NRG3: variants seen among roughly 807,000 people sequenced by gnomAD.
The protein encoded by NRG3 is pro-neuregulin-3, membrane-bound isoform.
In NRG3, 31 loss-of-function variants were observed where a neutral mutation model predicts 66.9. The observed-to-expected ratio is 0.46, with a 90% CI of 0.35 to 0.63. NRG3 has a LOEUF of 0.63. Among genes scored for constraint, NRG3 ranks in the 20% least tolerant of loss-of-function variants. The probability of loss-of-function intolerance (pLI) is 0.00; values close to 1 mark genes in which losing one functional copy is unlikely to be tolerated. For synonymous variants in NRG3, 393 were observed against 359.4 expected (o/e 1.09, Z -1.06); for missense variants, 910 against 878.9 (o/e 1.04, Z -0.45).
intron 2 of NRG3, among the ~76,000 whole-genome samples, chr10:82,557,374 T>C (rs1379702595): frequency 1.3e-5 from 2 of 152,228 alleles, no homozygotes; most frequent in Non-Finnish European, 2.9e-5. Flanking sequence ...GATTTGCATA[T>C]CTGTAATGAT....
intron 3 of NRG3, among the ~76,000 whole-genome samples, chr10:82,795,423 A>T (rs953817929): frequency 1.3e-5 from 2 of 152,130 alleles, no homozygotes; most frequent in Non-Finnish European, 2.9e-5. Flanking sequence ...ATTCCTTACT[A>T]TTATATTCTT....
intron 1 of NRG3, among the ~76,000 whole-genome samples, chr10:82,311,222 T>C (rs964128520): frequency 3.3e-5 from 5 of 152,242 alleles, no homozygotes; most frequent in African/African-American, 1.2e-4. Flanking sequence ...TGCGGTCATC[T>C]AGCATCATTC....
chr10:82,410,897 A>G (rs1413798862), intron 2 of NRG3, among the ~76,000 whole-genome samples: 1 of 152,186 alleles, frequency 6.6e-6, no homozygotes, highest in Non-Finnish European at 1.5e-5. Flanking sequence ...ATGTTGTATC[A>G]TAAAATTCAC....
chr10:82,768,849 T>A (rs1482525146), intron 3 of NRG3, among the ~76,000 whole-genome samples: 1 of 152,148 alleles, frequency 6.6e-6, no homozygotes, highest in East Asian at 1.9e-4. Flanking sequence ...TTTTTGTGTG[T>A]GTACCTACAT....
chr10:82,684,618 C>T (rs2054366859), intron 2 of NRG3, among the ~76,000 whole-genome samples: 1 of 151,924 alleles, frequency 6.6e-6, no homozygotes, highest in Admixed American at 6.6e-5. Context: ...TTATGTATGA[C>T]AATCTCTAAA....
At chr10:82,521,747 C>T (rs1846211399) in intron 2 of NRG3, among the ~76,000 whole-genome samples, 1 of 152,170 alleles carries the variant, frequency 6.6e-6, no homozygotes, top group Non-Finnish European at 1.5e-5. Flanking sequence ...ACCATTTTTA[C>T]CCACAATAGA....
In NRG3 at chr10:82,319,771, G is replaced by C. The variant is rs189922004; in HGVS notation, c.824-38968G>C. Among the ~76,000 whole-genome samples, 18 of 152,298 alleles carry C rather than the reference G, an allele frequency of 1.2e-4. No individual in the cohort carries two copies. In the East Asian group the frequency reaches 3.1e-3, roughly 26 times the overall value. ...GCTGAGCCTGCAGCTGCCCAGAGTG[G>C]GAGGAGCTGATGGAGTCCTGTGTGG... is the stretch of plus-strand genomic sequence containing the variant. On this transcript the variant is annotated intron_variant, in intron 1 of 8. Transcript: ENST00000372141.
At chr10:82,072,966 G>A (rs1324381774) in intron 1 of NRG3, among the ~76,000 whole-genome samples, 1 of 151,892 alleles carries the variant, frequency 6.6e-6, no homozygotes, top group East Asian at 1.9e-4. Context: ...GTAGGGATAG[G>A]ATCTCACTAT....
At chr10:82,908,539 GTAATTAC>G (rs1223815257) in intron 4 of NRG3, among the ~76,000 whole-genome samples, 21 of 152,238 alleles carry the variant, frequency 1.4e-4, no homozygotes, top group African/African-American at 4.8e-4. Flanking sequence ...TTCATTAGTG[GTAATTAC>G]TACTCAACCC....
At chr10:82,472,813 AT>A (rs1841398543) in intron 2 of NRG3, among the ~76,000 whole-genome samples, 1 of 152,158 alleles carries the variant, frequency 6.6e-6, no homozygotes, top group Non-Finnish European at 1.5e-5. Flanking sequence ...TTGTTTTATT[AT>A]TTTGTTTTGA....
At chr10:82,865,736 A>T (rs549624625) in intron 4 of NRG3, among the ~76,000 whole-genome samples, 2 of 152,240 alleles carry the variant, frequency 1.3e-5, no homozygotes, top group East Asian at 3.9e-4. Context: ...TAAAATAGGG[A>T]TAATAATAGG....
chr10:82,195,954 T>C (rs900192945), intron 1 of NRG3, among the ~76,000 whole-genome samples: 6 of 152,218 alleles, frequency 3.9e-5, no homozygotes, highest in African/African-American at 1.4e-4. Flanking sequence ...ACAGCTCTGC[T>C]GATATTTTGA....
chr10:82,349,987 C>A (rs1486169960), intron 1 of NRG3, among the ~76,000 whole-genome samples: 1 of 152,154 alleles, frequency 6.6e-6, no homozygotes, highest in Non-Finnish European at 1.5e-5. Flanking sequence ...TGAGATGAAC[C>A]CGGTACCTCA....
chr10:82,020,112 T>A (rs1246398555), intron 1 of NRG3, among the ~76,000 whole-genome samples: 3 of 152,212 alleles, frequency 2.0e-5, no homozygotes, highest in Middle Eastern at 3.4e-3. Context: ...AAGTAAAAAA[T>A]TTGAATTATA....
At chr10:82,710,255 T>C (rs1418914997) in intron 2 of NRG3, among the ~76,000 whole-genome samples, 3 of 152,198 alleles carry the variant, frequency 2.0e-5, no homozygotes, top group South Asian at 2.1e-4. Flanking sequence ...ATTGTTGCAG[T>C]GTTTAATCAC....
chr10:82,773,177 T>A (rs181306152), intron 3 of NRG3, among the ~76,000 whole-genome samples: 30 of 152,286 alleles, frequency 2.0e-4, no homozygotes, highest in Non-Finnish European at 7.4e-5. Context: ...TTTTTGATAA[T>A]GGCTATACTA....
At chr10:82,610,933 A>G (rs1384046342) in intron 2 of NRG3, among the ~76,000 whole-genome samples, 1 of 152,202 alleles carries the variant, frequency 6.6e-6, no homozygotes, top group Non-Finnish European at 1.5e-5. Flanking sequence ...GAAATAATTA[A>G]TAATATTTGG....
intron 3 of NRG3, among the ~76,000 whole-genome samples, chr10:82,781,443 T>A (rs556266519): frequency 3.3e-5 from 5 of 152,212 alleles, no homozygotes; most frequent in African/African-American, 9.6e-5. Flanking sequence ...AAATAATAAT[T>A]AATGAAACCT....
intron 3 of NRG3, among the ~76,000 whole-genome samples, chr10:82,788,596 T>A (rs1198165470): frequency 6.6e-6 from 1 of 151,364 alleles, no homozygotes; most frequent in Non-Finnish European, 1.5e-5. Context: ...GAAGAAAAAA[T>A]AATGAAAAGA....
Sources: gnomAD v4.1 joint callset for allele counts (sites outside exome capture counted in the v4.1 genomes callset) on GRCh38, gnomAD v4.1.1 for gene constraint, MANE v1.5 for transcripts, NCBI Gene and HGNC (gene_info 2026-07-23, HGNC 2026-07-21) for gene names.